The following SUMF1 variants were observed in gnomAD, a reference collection of about 807,000 sequenced individuals.
SUMF1 encodes formylglycine-generating enzyme.
Under a neutral mutation model 47.6 loss-of-function variants are expected in SUMF1, and 48 were observed. The observed-to-expected ratio is 1.01, with a 90% CI of 0.80 to 1.28. The LOEUF is 1.28. Ranked by LOEUF, SUMF1 falls within the 50% of genes most tolerant of loss-of-function variation. SUMF1 has a pLI of 0.00. For synonymous variants in SUMF1, 230 were observed against 192.1 expected (o/e 1.20, Z -1.63); for missense variants, 571 against 485.4 (o/e 1.18, Z -1.66).
chr3:4,218,930 C>G (rs932826804), intron 8 of SUMF1, among the ~76,000 whole-genome samples: 1 of 152,120 alleles, frequency 6.6e-6, no homozygotes, highest in Non-Finnish European at 1.5e-5. Context: ...CAGCCAAATT[C>G]GTGCTCACAG....
chr3:4,295,234 T>G (rs1697826338), intron 8 of SUMF1, among the ~76,000 whole-genome samples: 1 of 151,998 alleles, frequency 6.6e-6, no homozygotes, highest in Non-Finnish European at 1.5e-5. Flanking sequence ...CCTATATAGT[T>G]GCAGGAACGT....
At chr3:4,190,144 T>C (rs954776981) in intron 8 of SUMF1, among the ~76,000 whole-genome samples, 2 of 151,872 alleles carry the variant, frequency 1.3e-5, no homozygotes, top group Admixed American at 1.3e-4. Flanking sequence ...CAGTATTCTC[T>C]GAGCTTTAAA....
intron 7 of SUMF1, among the ~76,000 whole-genome samples, chr3:4,408,418 A>G (rs1005034786): frequency 1.3e-5 from 2 of 152,362 alleles, no homozygotes; most frequent in East Asian, 1.9e-4. Context: ...TTTCTGTACT[A>G]TTCTGAATTT....
intron 9 of SUMF1, among the ~76,000 whole-genome samples, chr3:4,063,576 A>G (rs907594054): frequency 3.4e-4 from 52 of 152,122 alleles, no homozygotes; most frequent in African/African-American, 1.2e-3. Context: ...CCTGTGAAGC[A>G]TAAAACCCAA....
chr3:4,432,720 A>G (rs711652), intron 3 of SUMF1, among the ~76,000 whole-genome samples: 151,341 of 152,348 alleles, frequency 0.99, 75,177 homozygotes, highest in Middle Eastern at 1. Context: ...GCAGTCCGTC[A>G]TCACAGTCAG....
intron 8 of SUMF1, among the ~76,000 whole-genome samples, chr3:4,252,632 GA>G (rs1281579668): frequency 6.6e-6 from 1 of 152,120 alleles, no homozygotes; most frequent in Non-Finnish European, 1.5e-5. Flanking sequence ...TAGGAAAGTT[GA>G]AAGTTACAAG....
chr3:4,222,768 C>G (rs1289381095), intron 8 of SUMF1, among the ~76,000 whole-genome samples: 1 of 152,058 alleles, frequency 6.6e-6, no homozygotes, highest in Admixed American at 6.6e-5. Context: ...ATTTATTACC[C>G]ACAGGATTCC....
At chr3:4,456,845 CGTGTGTGTATATATATGT>C (rs2079644572) in intron 1 of SUMF1, among the ~76,000 whole-genome samples, 1 of 80,430 alleles carries the variant, frequency 1.2e-5, no homozygotes, top group Admixed American at 1.3e-4. Context: ...TATATATATA[CGTGTGTGTATATATATGT>C]GTGTGTATAT....
intron 8 of SUMF1, among the ~76,000 whole-genome samples, chr3:4,206,323 A>G (rs1344218729): frequency 6.6e-6 from 1 of 152,032 alleles, no homozygotes; most frequent in East Asian, 1.9e-4. Flanking sequence ...GCAAAGCACC[A>G]GAACTTGCTC....
At chr3:4,321,785 G>A (rs1400097252) in intron 8 of SUMF1, among the ~76,000 whole-genome samples, 1 of 152,124 alleles carries the variant, frequency 6.6e-6, no homozygotes, top group Non-Finnish European at 1.5e-5. Flanking sequence ...TTTAGTGTAA[G>A]CTATACATAG....
chr3:4,185,499 G>A (rs552804445), intron 8 of SUMF1, among the ~76,000 whole-genome samples: 2 of 152,280 alleles, frequency 1.3e-5, no homozygotes, highest in South Asian at 4.1e-4. Flanking sequence ...ACAGATATAT[G>A]AGAGTCTACA....
At chr3:4,156,017 A>C (rs879928042) in intron 8 of SUMF1, among the ~76,000 whole-genome samples, 1 of 151,376 alleles carries the variant, frequency 6.6e-6, no homozygotes, top group African/African-American at 2.5e-5. Flanking sequence ...TTTGTTTTTC[A>C]TCTGAAAGTA....
At chr3:4,143,427 T>C (rs1377182373) in intron 8 of SUMF1, among the ~76,000 whole-genome samples, 1 of 152,036 alleles carries the variant, frequency 6.6e-6, no homozygotes, top group Non-Finnish European at 1.5e-5. Flanking sequence ...AGGAACATAA[T>C]GAGAAGGTCA....
At chr3:4,335,091 G>C (rs1220273516) in intron 8 of SUMF1, among the ~76,000 whole-genome samples, 1 of 152,140 alleles carries the variant, frequency 6.6e-6, no homozygotes, top group Non-Finnish European at 1.5e-5. Context: ...GATTTCAGTT[G>C]ACATAAGAGG....
chr3:4,448,077 T>C (rs2125120727), intron 3 of SUMF1, among the ~76,000 whole-genome samples: 1 of 152,114 alleles, frequency 6.6e-6, no homozygotes, highest in East Asian at 1.9e-4. Context: ...TCAGATTACA[T>C]ATTAGACTTA....
At chr3:4,238,765 G>A (rs1198701117) in intron 8 of SUMF1, among the ~76,000 whole-genome samples, 1 of 152,134 alleles carries the variant, frequency 6.6e-6, no homozygotes, top group South Asian at 2.1e-4. Flanking sequence ...CTGTGCAGAA[G>A]CTCTTTAGTT....
At chr3:4,408,111 C>G (rs562748303) in intron 7 of SUMF1, among the ~76,000 whole-genome samples, 1 of 152,288 alleles carries the variant, frequency 6.6e-6, no homozygotes, top group South Asian at 2.1e-4. Flanking sequence ...TGCTAGTCAG[C>G]CAAAACTAAC....
In SUMF1 at chr3:4,467,009, GGGGCCC is replaced by G. The variant is rs753540229; in HGVS notation, c.231_236del (p.Gly78_Pro79del). ...GCGCGAGTTGCCGCTCTCCGGGTACGGGGCCCGGAGCGTTAGCCTCCCGCGAGTATC... is the reference window on the plus strand; with the variant it reads ...GCGCGAGTTGCCGCTCTCCGGGTACGGGAGCGTTAGCCTCCCGCGAGTATC... On this transcript the variant is annotated inframe_deletion, in exon 1 of 9. Coordinates refer to ENST00000272902, the MANE Select transcript of SUMF1 (RefSeq NM_182760.4). 2 of 1,595,126 alleles carry G rather than the reference GGGGCCC, an allele frequency of 1.3e-6. No individual in the cohort carries two copies. The highest frequency in any genetic ancestry group is 1.3e-5 in the African/African-American group (1 of 74,576).
intron 3 of SUMF1, among the ~76,000 whole-genome samples, chr3:4,432,461 G>T (rs1314315091): frequency 6.6e-6 from 1 of 151,952 alleles, no homozygotes; most frequent in African/African-American, 2.4e-5. Context: ...AAACACCTTT[G>T]AGGCCTACAA....
Sources: gnomAD v4.1 joint callset for allele counts (sites outside exome capture counted in the v4.1 genomes callset) on GRCh38, gnomAD v4.1.1 for gene constraint, MANE v1.5 for transcripts, NCBI Gene and HGNC (gene_info 2026-07-23, HGNC 2026-07-21) for gene names.